SCHIP1: variants seen among roughly 807,000 people sequenced by gnomAD.
SCHIP1 encodes the protein schwannomin-interacting protein 1.
SCHIP1 carries 8 observed loss-of-function variants against 29.7 expected under a neutral mutation model. That is an observed-to-expected ratio of 0.27 (90% CI 0.16 to 0.49). The LOEUF is 0.49. Ranked by LOEUF, SCHIP1 falls within the 20% of genes least tolerant of loss-of-function variation. SCHIP1 has a pLI of 0.99. For synonymous variants in SCHIP1, 76 were observed against 94.9 expected, an observed-to-expected ratio of 0.80 and a Z score of 1.16; for missense variants, 193 against 294.6, an observed-to-expected ratio of 0.66 and a Z score of 2.52.
the SCHIP1 span, among the ~76,000 whole-genome samples, chr3:159,444,797 A>T: frequency 6.6e-6 from 1 of 152,202 alleles, no homozygotes; most frequent in African/African-American, 2.4e-5. Context: ...AGAAATGAAG[A>T]GGGTGGACCT....
chr3:159,511,520 T>G, the SCHIP1 span, among the ~76,000 whole-genome samples: 120 of 152,266 alleles, frequency 7.9e-4, no homozygotes, highest in Non-Finnish European at 1.4e-3. Context: ...ACTCGGTACC[T>G]CAGCTGGAAA....
chr3:159,763,889 A>G, the SCHIP1 span: 2 of 151,674 alleles, frequency 1.3e-5, no homozygotes, highest in Non-Finnish European at 2.9e-5. Context: ...GTTCCTTACA[A>G]AGTAAAGCTC....
the SCHIP1 span, among the ~76,000 whole-genome samples, chr3:159,386,236 G>A: frequency 6.6e-6 from 1 of 152,086 alleles, no homozygotes; most frequent in South Asian, 2.1e-4. Flanking sequence ...GGGTCAAATG[G>A]TATTTCTGGT....
the SCHIP1 span, among the ~76,000 whole-genome samples, chr3:159,422,053 G>C: frequency 6.6e-6 from 1 of 152,150 alleles, no homozygotes; most frequent in South Asian, 2.1e-4. Flanking sequence ...ATTATATTTT[G>C]TTATTTAGTT....
chr3:159,359,934 C>A, the SCHIP1 span, among the ~76,000 whole-genome samples: 2 of 152,104 alleles, frequency 1.3e-5, no homozygotes, highest in Non-Finnish European at 2.9e-5. Flanking sequence ...AAACAGCGAC[C>A]CATAGGTATA....
chr3:159,621,362 C>T, the SCHIP1 span, among the ~76,000 whole-genome samples: 2 of 152,216 alleles, frequency 1.3e-5, no homozygotes, highest in Non-Finnish European at 2.9e-5. Flanking sequence ...TTTCTGAATA[C>T]TTAGCTGAAG....
chr3:159,476,729 T>A, the SCHIP1 span, among the ~76,000 whole-genome samples: 2 of 152,212 alleles, frequency 1.3e-5, no homozygotes, highest in Admixed American at 1.3e-4. Context: ...TACAATGTGA[T>A]GTTTTGATAG....
chr3:159,877,911 A>G lies in SCHIP1; in HGVS notation c.150-8296A>G, dbSNP rs185029984. 4.1e-4 allele frequency among the ~76,000 whole-genome samples: 62 copies of G among 152,334 alleles called. 1 individual carries two copies. The highest frequency in any genetic ancestry group is 1.4e-3 in the African/African-American group (60 of 41,574). ...AATTTACTGCAGATCCAAGGAGGAG[A>G]ATGAAATCAAGACTGGATTGAGGAG... On this transcript the variant is annotated intron_variant, in intron 2 of 6. Transcript: ENST00000445224.
the SCHIP1 span, among the ~76,000 whole-genome samples, chr3:159,287,260 T>A: frequency 6.6e-6 from 1 of 151,846 alleles, no homozygotes; most frequent in African/African-American, 2.4e-5. Flanking sequence ...GTATAAGGAT[T>A]TTTAACTATT....
At chr3:159,580,782 A>G in the SCHIP1 span, among the ~76,000 whole-genome samples, 1 of 152,182 alleles carries the variant, frequency 6.6e-6, no homozygotes, top group African/African-American at 2.4e-5. Context: ...ACATGGCTTC[A>G]CCAATGGTTT....
At chr3:159,385,548 G>A in the SCHIP1 span, among the ~76,000 whole-genome samples, 2 of 141,884 alleles carry the variant, frequency 1.4e-5, no homozygotes, top group East Asian at 2.1e-4. Flanking sequence ...TAGATCAAGA[G>A]CAAGACTCTG....
chr3:159,277,519 T>C, the SCHIP1 span, among the ~76,000 whole-genome samples: 5 of 151,348 alleles, frequency 3.3e-5, no homozygotes, highest in African/African-American at 1.2e-4. Flanking sequence ...AATTTGGAGC[T>C]AGAAACCAAT....
chr3:159,653,529 T>C, the SCHIP1 span, among the ~76,000 whole-genome samples: 2 of 143,220 alleles, frequency 1.4e-5, no homozygotes, highest in Admixed American at 7.1e-5. Flanking sequence ...TAAGTGGGAG[T>C]TGAACAATGA....
At chr3:159,785,840 T>TGG in the SCHIP1 span, among the ~76,000 whole-genome samples, 1 of 152,234 alleles carries the variant, frequency 6.6e-6, no homozygotes, top group African/African-American at 2.4e-5. Flanking sequence ...TATCCATCAC[T>TGG]GGGGCAGCTT....
the SCHIP1 span, among the ~76,000 whole-genome samples, chr3:159,699,808 C>T: frequency 6.6e-6 from 1 of 152,160 alleles, no homozygotes; most frequent in Non-Finnish European, 1.5e-5. Context: ...CTTTAAGATA[C>T]TCTTGAAGAA....
chr3:159,753,148 T>C, the SCHIP1 span, among the ~76,000 whole-genome samples: 1 of 152,224 alleles, frequency 6.6e-6, no homozygotes, highest in Non-Finnish European at 1.5e-5. Flanking sequence ...AACTTGGCCT[T>C]CTTTTCTCAC....
chr3:159,423,830 T>C, the SCHIP1 span, among the ~76,000 whole-genome samples: 1 of 151,844 alleles, frequency 6.6e-6, no homozygotes, highest in Non-Finnish European at 1.5e-5. Context: ...AGACTGACAC[T>C]TCACACGGCC....
At chr3:159,478,349 T>C in the SCHIP1 span, among the ~76,000 whole-genome samples, 1 of 152,186 alleles carries the variant, frequency 6.6e-6, no homozygotes, top group East Asian at 1.9e-4. Flanking sequence ...TCTTTCTTCA[T>C]TGGATGTTCT....
At chr3:159,727,973 GCAT>G in the SCHIP1 span, among the ~76,000 whole-genome samples, 3 of 150,524 alleles carry the variant, frequency 2.0e-5, no homozygotes, top group South Asian at 6.4e-4. Flanking sequence ...CACAGCCATG[GCAT>G]CATCAAATTT....
Sources: gnomAD v4.1 joint callset for allele counts (sites outside exome capture counted in the v4.1 genomes callset) on GRCh38, gnomAD v4.1.1 for gene constraint, MANE v1.5 for transcripts, NCBI Gene and HGNC (gene_info 2026-07-23, HGNC 2026-07-21) for gene names.